The following ATP5F1A variants were observed in gnomAD, a reference collection of about 807,000 sequenced individuals.
The protein encoded by ATP5F1A is ATP synthase F1 subunit alpha.
Under a neutral mutation model 57.4 loss-of-function variants are expected in ATP5F1A, and 24 were observed. That is an observed-to-expected ratio of 0.42 (90% CI 0.30 to 0.59). The LOEUF is 0.59. ATP5F1A is among the 20% of genes least tolerant of loss of function. The pLI is 0.19. For synonymous variants in ATP5F1A, 251 were observed against 255.5 expected, an observed-to-expected ratio of 0.98 and a Z score of 0.17; for missense variants, 494 against 707.9, an observed-to-expected ratio of 0.70 and a Z score of 3.43.
chr18:46,102,057 C>T (rs1470304283), upstream of ATP5F1A, among the ~76,000 whole-genome samples: 1 of 151,576 alleles, frequency 6.6e-6, no homozygotes, highest in East Asian at 2.0e-4. Context: ...ACCTGTAGTC[C>T]CAGCTACTCG....
chr18:46,083,412 C>T lies in ATP5F1A; in HGVS notation c.*870G>A, dbSNP rs1173606227. On this transcript the variant is annotated 3_prime_UTR_variant, in exon 12 of 12. Coordinates refer to ENST00000398752, the MANE Select transcript of ATP5F1A (RefSeq NM_004046.6). Reference sequence around the variant, plus strand: ...CTGAGATCACACCACTGTACTCCAGCCTGGGTGAGAGAGATGGAGACCCTG... The same window carrying T: ...CTGAGATCACACCACTGTACTCCAGTCTGGGTGAGAGAGATGGAGACCCTG... 2 of 152,272 alleles carry T rather than the reference C, an allele frequency of 1.3e-5. No individual in the cohort carries two copies. The highest frequency in any genetic ancestry group is 2.9e-5 in the Non-Finnish European group (2 of 68,094). 9.4% of individuals were successfully genotyped at this position (152,272 alleles called of 1,614,324 possible).
chr18:46,095,214 G>A, intron 1 of ATP5F1A, 83 bp from the exon 2 acceptor site: 1 of 1,271,468 alleles, frequency 7.9e-7, no homozygotes, highest in East Asian at 2.4e-5. Flanking sequence ...CCAGCTTAGT[G>A]TGATCAAAGT....
chr18:46,102,336 T>C (rs1911299570), upstream of ATP5F1A, among the ~76,000 whole-genome samples: 1 of 151,822 alleles, frequency 6.6e-6, no homozygotes, highest in Non-Finnish European at 1.5e-5. Context: ...TTTTTTTTTG[T>C]TTTTTGTGGT....
chr18:46,088,216 C>T lies in ATP5F1A; in HGVS notation c.692G>A (p.Arg231His), dbSNP rs750749766. Residue 231 changes from arginine to histidine, a missense_variant, in exon 6 of 12, where the codon CGT becomes CAT. Arg to His is a conservative substitution (Grantham distance 29). Transcript: ENST00000398752. ...IAIDTIINQK[R>H]FNDGSDEKKK... ...CTTTTCATCAGATCCATCATTGAAA[C>T]GTTTCTGGTTAATGATTGTGTCAAT... 3.8e-6 allele frequency: 6 copies of T among 1,597,398 alleles called. No homozygotes were observed. The highest frequency in any genetic ancestry group is 1.8e-5 in the Admixed American group (1 of 54,080).
intron 1 of ATP5F1A, 176 bp downstream of exon 1, chr18:46,097,996 G>A: frequency 7.1e-7 from 1 of 1,411,900 alleles, no homozygotes; most frequent in East Asian, 2.6e-5. Context: ...CTCTGCGCAG[G>A]TGACGAGCAA....
At chr18:46,090,605 T>C (rs766827785) in intron 3 of ATP5F1A, among the ~76,000 whole-genome samples, 3 of 152,190 alleles carry the variant, frequency 2.0e-5, no homozygotes, top group Non-Finnish European at 4.4e-5. Flanking sequence ...ATTCCAGGAA[T>C]AGTCTGGTCA....
chr18:46,090,411 GCT>G (rs1279476992), intron 3 of ATP5F1A, among the ~76,000 whole-genome samples: 7 of 152,188 alleles, frequency 4.6e-5, no homozygotes, highest in African/African-American at 1.7e-4. Flanking sequence ...TGTGTGAGAA[GCT>G]CCATAAACAG....
chr18:46,098,742 T>TTA (rs1911168007), upstream of ATP5F1A, among the ~76,000 whole-genome samples: 1 of 152,118 alleles, frequency 6.6e-6, no homozygotes, highest in African/African-American at 2.4e-5. Flanking sequence ...GCAGGGAGCC[T>TTA]CCCACGGAGC....
chr18:46,096,806 A>AC (rs1258580449), intron 1 of ATP5F1A, among the ~76,000 whole-genome samples: 1 of 151,646 alleles, frequency 6.6e-6, no homozygotes, highest in Non-Finnish European at 1.5e-5. Flanking sequence ...ACATGGTGAA[A>AC]CCCCGTCTCT....
chr18:46,089,341 TAA>T (rs1417930364), intron 5 of ATP5F1A: 2 of 514,046 alleles, frequency 3.9e-6, no homozygotes, highest in South Asian at 2.7e-5. Flanking sequence ...ACCCTGGGAT[TAA>T]GAGTCCCATG....
rs1909847278 is a variant in ATP5F1A, at chr18:46,082,972, C to A, written c.*1310G>T. 1 of 152,150 alleles carries A rather than the reference C, an allele frequency of 6.6e-6. No homozygotes were observed. The highest frequency in any genetic ancestry group is 2.1e-4 in the South Asian group (1 of 4,824). 9.4% of individuals were successfully genotyped at this position (152,150 alleles called of 1,614,324 possible). ...GGCTAAGGCAGGAGAATCGCTTGAA[C>A]CCAGGAGGTGAAAGGTGCAGTGAGC... On this transcript the variant is annotated 3_prime_UTR_variant, in exon 12 of 12. Transcript: ENST00000398752.
rs1293681429 is a variant in ATP5F1A at position 46,089,629 on chromosome 18, A to G, written c.587T>C (p.Val196Ala). 6.2e-7 allele frequency: 1 copy of G among 1,614,240 alleles called. No homozygotes were observed. Residue 196 changes from valine (V) to alanine (A), a missense_variant, in exon 5 of 12, where the codon GTG (valine) becomes GCG (alanine). Val to Ala is a moderately conservative substitution (Grantham distance 64). Coordinates refer to ENST00000398752, the MANE Select transcript of ATP5F1A (RefSeq NM_004046.6). ...ACGACCAATTGGCACCAAGCTATCC[A>G]CAGCCTTAATGCCAGTCTGCATTGG... Reference protein sequence around the residue: ...REPMQTGIKAVDSLVPIGRGQ... With the variant: ...REPMQTGIKAADSLVPIGRGQ...
At chr18:46,095,617 ATTTT>A (rs907424886) in intron 1 of ATP5F1A, among the ~76,000 whole-genome samples, 1 of 149,462 alleles carries the variant, frequency 6.7e-6, no homozygotes, top group African/African-American at 2.5e-5. Context: ...CACCCGGCTT[ATTTT>A]TTTTTCTTTT....
At chr18:46,096,745 G>C (rs1910987532) in intron 1 of ATP5F1A, among the ~76,000 whole-genome samples, 1 of 151,772 alleles carries the variant, frequency 6.6e-6, no homozygotes, top group Non-Finnish European at 1.5e-5. Context: ...ACTTCAGAAG[G>C]CCGAGGCGAG....
At position 46,086,454 on chromosome 18, in the gene ATP5F1A, G is replaced by C; in HGVS notation, c.1217C>G (p.Pro406Arg). The change falls in exon 9 of 12, where the codon CCT (proline) becomes CGT (arginine). Residue 406 changes from proline (P) to arginine (R), a missense_variant. Transcript: ENST00000398752. ...TACAGACAGACCAACGTTAATTGCA[G>C]GGCGGATACCTTTGTAGAACAATTC... ...ETELFYKGIR[P>R]AINVGLSVSR... 1 of 1,614,114 alleles carries C rather than the reference G, an allele frequency of 6.2e-7. No homozygotes were observed. Among genetic ancestry groups the C allele is most frequent in the Non-Finnish European group, 8.5e-7 (1 of 1,180,036 alleles).
chr18:46,096,316 C>A (rs181903861), intron 1 of ATP5F1A, among the ~76,000 whole-genome samples: 1 of 151,590 alleles, frequency 6.6e-6, no homozygotes, highest in Non-Finnish European at 1.5e-5. Flanking sequence ...GCCTGACCAA[C>A]ATGGAGAAAC....
intron 10 of ATP5F1A, chr18:46,085,422 A>C (rs1298796923): frequency 6.6e-6 from 1 of 150,866 alleles, no homozygotes; most frequent in African/African-American, 2.5e-5. Flanking sequence ...TAAGGCCAGG[A>C]GTTCAAGACC....
At chr18:46,090,566 C>T (rs548871385) in intron 3 of ATP5F1A, among the ~76,000 whole-genome samples, 2 of 152,280 alleles carry the variant, frequency 1.3e-5, no homozygotes, top group South Asian at 4.1e-4. Flanking sequence ...TATTTTAGAT[C>T]TTTAAATCAT....
At chr18:46,102,494 T>C (rs1032371441), upstream of ATP5F1A, among the ~76,000 whole-genome samples, 3 of 152,016 alleles carry the variant, frequency 2.0e-5, no homozygotes, top group African/African-American at 4.8e-5. Context: ...TGGCTAATTT[T>C]TGTATTTTTA....
Sources: allele counts gnomAD v4.1 joint callset (sites outside exome capture counted in the v4.1 genomes callset), GRCh38; gene constraint gnomAD v4.1.1; transcripts MANE v1.5; gene names NCBI Gene and HGNC (gene_info 2026-07-23, HGNC 2026-07-21).